GPHN: variants seen among roughly 807,000 people sequenced by gnomAD.
GPHN encodes gephyrin.
In GPHN, 17 loss-of-function variants were observed where a neutral mutation model predicts 95.5. The observed-to-expected ratio is 0.18, with a 90% CI of 0.12 to 0.27. The LOEUF is 0.27. Among genes scored for constraint, GPHN ranks in the 10% least tolerant of loss-of-function variants. The pLI is 1.00. For missense variants in GPHN, 660 were observed against 978.1 expected, an observed-to-expected ratio of 0.67 and a Z score of 4.34; for synonymous variants, 320 against 322.5, an observed-to-expected ratio of 0.99 and a Z score of 0.08.
At chr14:66,767,510 C>T (rs1305215388) in intron 2 of GPHN, among the ~76,000 whole-genome samples, 1 of 150,844 alleles carries the variant, frequency 6.6e-6, no homozygotes, top group East Asian at 1.9e-4. Flanking sequence ...GGGATTGAGC[C>T]TAGAGAAGTA....
At chr14:67,396,746 G>A in the GPHN span, among the ~76,000 whole-genome samples, 1 of 152,226 alleles carries the variant, frequency 6.6e-6, no homozygotes, top group African/African-American at 2.4e-5. Flanking sequence ...TTCCTCTTCA[G>A]GGATAAAGGG....
chr14:66,623,382 C>T (rs1257152557), intron 1 of GPHN, among the ~76,000 whole-genome samples: 1 of 152,060 alleles, frequency 6.6e-6, no homozygotes, highest in Non-Finnish European at 1.5e-5. Flanking sequence ...CCATATCAGC[C>T]AGCAACCTTG....
chr14:67,252,053 C>T, the GPHN span, among the ~76,000 whole-genome samples: 4 of 152,182 alleles, frequency 2.6e-5, no homozygotes, highest in African/African-American at 9.7e-5. Context: ...AGCTCCACAC[C>T]ACCCGCCTAA....
the GPHN span, among the ~76,000 whole-genome samples, chr14:67,654,767 C>T: frequency 1.3e-4 from 20 of 152,000 alleles, no homozygotes; most frequent in Non-Finnish European, 2.4e-4. Flanking sequence ...CAGTGGCTCA[C>T]GCTTATAATT....
intron 1 of GPHN, among the ~76,000 whole-genome samples, chr14:66,658,514 T>G (rs1207101550): frequency 6.6e-6 from 1 of 152,096 alleles, no homozygotes; most frequent in African/African-American, 2.4e-5. Flanking sequence ...GGCAACTTCA[T>G]TGTTATCTTT....
chr14:67,428,094 A>G, the GPHN span, among the ~76,000 whole-genome samples: 1 of 151,846 alleles, frequency 6.6e-6, no homozygotes, highest in Admixed American at 6.6e-5. Context: ...TAATTTTTGT[A>G]TTTTAGTAGA....
the GPHN span, among the ~76,000 whole-genome samples, chr14:67,288,557 C>G: frequency 6.6e-6 from 1 of 152,178 alleles, no homozygotes; most frequent in Admixed American, 6.5e-5. Flanking sequence ...TCAGAGAAGT[C>G]TAGTCCCCAT....
rs923230608 is a variant in GPHN, at chr14:67,109,990, T to C, written c.1294-150T>C. 4.5e-6 allele frequency: 3 copies of C among 669,474 alleles called. No homozygotes were observed. The African/African-American group carries it at 5.4e-5, about 12-fold the overall frequency. The allele number at this position is 669,474 out of a possible 1,614,324, so 41.5% of individuals were successfully genotyped here. The stretch of plus-strand genomic sequence containing the variant: ...TAGTGTGAGTGCACCTGTTTGTGGA[T>C]AGCTTTTATTACACTGGCCCAAAAT... On this transcript the variant is annotated intron_variant, in intron 13 of 22. Transcript: ENST00000478722.
chr14:66,684,121 A>G (rs951233776), intron 2 of GPHN, among the ~76,000 whole-genome samples: 5 of 152,208 alleles, frequency 3.3e-5, no homozygotes, highest in African/African-American at 1.2e-4. Context: ...TGTTGAGTGA[A>G]TGCTATGTAT....
At chr14:67,221,288 C>G in the GPHN span, among the ~76,000 whole-genome samples, 1 of 152,182 alleles carries the variant, frequency 6.6e-6, no homozygotes, top group Non-Finnish European at 1.5e-5. Flanking sequence ...CTGGTAAAGC[C>G]AAAGACTTGG....
At chr14:67,609,248 C>T in the GPHN span, among the ~76,000 whole-genome samples, 1 of 152,140 alleles carries the variant, frequency 6.6e-6, no homozygotes, top group African/African-American at 2.4e-5. Context: ...CTCATAAAGG[C>T]TCACAGAACT....
intron 3 of GPHN, among the ~76,000 whole-genome samples, chr14:66,782,158 T>A (rs1202743768): frequency 6.6e-6 from 1 of 152,194 alleles, no homozygotes; most frequent in East Asian, 1.9e-4. Context: ...AATGAAAAAG[T>A]CCATTTTTGC....
chr14:67,298,111 G>C, the GPHN span, among the ~76,000 whole-genome samples: 2 of 152,042 alleles, frequency 1.3e-5, no homozygotes, highest in South Asian at 4.1e-4. Context: ...GAATCAGATG[G>C]TGATGGTCCT....
At chr14:67,218,881 G>C in the GPHN span, among the ~76,000 whole-genome samples, 5 of 152,062 alleles carry the variant, frequency 3.3e-5, no homozygotes, top group Admixed American at 1.3e-4. Flanking sequence ...AAGTGCAGCA[G>C]TGAGGGTTGG....
chr14:66,868,487 G>A (rs1418130160), intron 4 of GPHN, among the ~76,000 whole-genome samples: 2 of 151,934 alleles, frequency 1.3e-5, no homozygotes, highest in Non-Finnish European at 1.5e-5. Context: ...TCTGCAACCC[G>A]GGTTCAAGCG....
At chr14:67,395,587 T>A in the GPHN span, 1 of 1,613,704 alleles carries the variant, frequency 6.2e-7, no homozygotes, top group African/African-American at 1.3e-5. Context: ...TGAGGAGCTG[T>A]GGGAAGAGAG....
chr14:66,620,135 C>G (rs929154252), intron 1 of GPHN, among the ~76,000 whole-genome samples: 8 of 152,260 alleles, frequency 5.3e-5, no homozygotes, highest in African/African-American at 1.7e-4. Flanking sequence ...GTTGTTCACA[C>G]TTACCCATGT....
the GPHN span, among the ~76,000 whole-genome samples, chr14:67,233,570 C>G: frequency 6.6e-6 from 1 of 152,274 alleles, no homozygotes; most frequent in African/African-American, 2.4e-5. Flanking sequence ...CCTCCTATAT[C>G]TGATCTGTAA....
chr14:66,840,244 A>C (rs914050331), intron 4 of GPHN, among the ~76,000 whole-genome samples: 8 of 152,136 alleles, frequency 5.3e-5, no homozygotes, highest in Admixed American at 5.2e-4. Flanking sequence ...GCGCCACTGC[A>C]CTCCAGCCTG....
Sources: gnomAD v4.1 joint callset for allele counts (sites outside exome capture counted in the v4.1 genomes callset) on GRCh38, gnomAD v4.1.1 for gene constraint, MANE v1.5 for transcripts, NCBI Gene and HGNC (gene_info 2026-07-23, HGNC 2026-07-21) for gene names.